The following GRID2 variants were observed in gnomAD, a reference collection of about 807,000 sequenced individuals.
GRID2 encodes the protein glutamate ionotropic receptor delta type subunit 2.
Under a neutral mutation model 114.8 loss-of-function variants are expected in GRID2, and 33 were observed. That is an observed-to-expected ratio of 0.29 (90% CI 0.22 to 0.38). GRID2 has a LOEUF of 0.38. Among genes scored for constraint, GRID2 ranks in the 10% least tolerant of loss-of-function variants. The probability of loss-of-function intolerance (pLI) is 1.00; values close to 1 mark genes in which losing one functional copy is unlikely to be tolerated. For synonymous variants in GRID2, 505 were observed against 449.9 expected (o/e 1.12, Z -1.55); for missense variants, 1,184 against 1,257.7 (o/e 0.94, Z 0.89).
intron 1 of GRID2, among the ~76,000 whole-genome samples, chr4:92,429,562 G>A (rs915145225): frequency 1.3e-5 from 2 of 152,130 alleles, no homozygotes; most frequent in Non-Finnish European, 2.9e-5. Context: ...ATAAATATAA[G>A]AGTGCAGATA....
intron 14 of GRID2, among the ~76,000 whole-genome samples, chr4:93,702,627 A>G (rs1423646376): frequency 6.6e-6 from 1 of 152,134 alleles, no homozygotes; most frequent in Admixed American, 6.6e-5. Context: ...AATTTATGGC[A>G]CACCTTCAAC....
intron 1 of GRID2, among the ~76,000 whole-genome samples, chr4:92,445,665 C>T (rs1242631307): frequency 6.6e-6 from 1 of 152,094 alleles, no homozygotes; most frequent in Non-Finnish European, 1.5e-5. Context: ...TAGGAACAAG[C>T]CATGGGAAGA....
intron 3 of GRID2, among the ~76,000 whole-genome samples, chr4:93,103,988 T>G (rs924335283): frequency 1.3e-5 from 2 of 152,066 alleles, no homozygotes; most frequent in East Asian, 3.9e-4. Context: ...CATGGGTATA[T>G]TGCACCCAGG....
intron 14 of GRID2, among the ~76,000 whole-genome samples, chr4:93,692,853 T>C (rs547329591): frequency 1.4e-3 from 215 of 152,336 alleles, no homozygotes; most frequent in African/African-American, 5.1e-3. Flanking sequence ...CCTCATTCAC[T>C]ACACGACAGT....
chr4:92,590,366 C>A, intron 2 of GRID2, 80 bp downstream of exon 2: 2 of 954,658 alleles, frequency 2.1e-6, no homozygotes, highest in Non-Finnish European at 3.2e-6. Context: ...ACTTATTAAA[C>A]ATGGACATCA....
At chr4:92,598,952 T>A (rs1357241543) in intron 2 of GRID2, among the ~76,000 whole-genome samples, 1 of 152,042 alleles carries the variant, frequency 6.6e-6, no homozygotes, top group Non-Finnish European at 1.5e-5. Flanking sequence ...CAGCGACATA[T>A]TTTTGCCCAA....
intron 2 of GRID2, among the ~76,000 whole-genome samples, chr4:92,996,627 G>A (rs759397479): frequency 1.3e-5 from 2 of 152,156 alleles, no homozygotes; most frequent in Non-Finnish European, 2.9e-5. Context: ...TGGGGAATGA[G>A]AAGTCAGGAG....
chr4:93,128,032 A>AAAAAAAAAAAAAAC (rs1734440026), intron 4 of GRID2, among the ~76,000 whole-genome samples: 1 of 132,716 alleles, frequency 7.5e-6, no homozygotes, highest in African/African-American at 3.1e-5. Context: ...CGCAACAAAA[A>AAAAAAAAAAAAAAC]AAAAAAAAAA....
chr4:92,772,937 T>C (rs575150666), intron 2 of GRID2, among the ~76,000 whole-genome samples: 181 of 152,314 alleles, frequency 1.2e-3, no homozygotes, highest in African/African-American at 4.3e-3. Context: ...TGCTTTAGTC[T>C]CTGAGGCTTC....
At chr4:92,840,667 A>C (rs931562479) in intron 2 of GRID2, among the ~76,000 whole-genome samples, 1 of 152,048 alleles carries the variant, frequency 6.6e-6, no homozygotes. Flanking sequence ...TTCATTGAGC[A>C]GCTTCTTCAT....
intron 2 of GRID2, among the ~76,000 whole-genome samples, chr4:92,913,690 A>C (rs1420343865): frequency 1.3e-5 from 2 of 152,050 alleles, no homozygotes; most frequent in Non-Finnish European, 2.9e-5. Context: ...AAAATATAGT[A>C]GATTTTTATT....
chr4:93,005,671 C>G (rs1020999585), intron 2 of GRID2, among the ~76,000 whole-genome samples: 1 of 152,008 alleles, frequency 6.6e-6, no homozygotes, highest in African/African-American at 2.4e-5. Context: ...ACTGATTAAT[C>G]ATTAAAAAGT....
intron 2 of GRID2, among the ~76,000 whole-genome samples, chr4:92,731,147 T>G (rs1267039279): frequency 6.6e-6 from 1 of 151,932 alleles, no homozygotes; most frequent in East Asian, 1.9e-4. Context: ...AATACAACTT[T>G]GAGGGTTTAA....
chr4:92,471,449 A>T (rs1280514865), intron 1 of GRID2, among the ~76,000 whole-genome samples: 1 of 151,966 alleles, frequency 6.6e-6, no homozygotes, highest in Non-Finnish European at 1.5e-5. Flanking sequence ...CTAGAACCCA[A>T]ATCTCCAAAC....
At chr4:92,558,614 A>G (rs958425425) in intron 1 of GRID2, among the ~76,000 whole-genome samples, 2 of 152,042 alleles carry the variant, frequency 1.3e-5, no homozygotes, top group African/African-American at 2.4e-5. Context: ...AGCTGCTTTT[A>G]TTCCTCCTAC....
chr4:93,594,592 C>T (rs1280116553), intron 13 of GRID2, among the ~76,000 whole-genome samples: 1 of 152,228 alleles, frequency 6.6e-6, no homozygotes, highest in African/African-American at 2.4e-5. Flanking sequence ...CCAGTTCGAG[C>T]TTCCAGGCTG....
chr4:92,632,956 G>A (rs1307900037), intron 2 of GRID2, among the ~76,000 whole-genome samples: 2 of 152,050 alleles, frequency 1.3e-5, no homozygotes, highest in Non-Finnish European at 2.9e-5. Context: ...TTACTGCCAA[G>A]ATACAATGGG....
At chr4:93,745,892 G>A (rs1349384016) in intron 14 of GRID2, among the ~76,000 whole-genome samples, 2 of 152,054 alleles carry the variant, frequency 1.3e-5, no homozygotes, top group African/African-American at 2.4e-5. Context: ...TTTCAGCAAA[G>A]GAAAAGAAAA....
At chr4:92,630,438 A>T (rs532969969) in intron 2 of GRID2, among the ~76,000 whole-genome samples, 4 of 151,918 alleles carry the variant, frequency 2.6e-5, no homozygotes, top group African/African-American at 9.7e-5. Context: ...AAACCTTCTC[A>T]CTCTTTAGTA....
Sources: gnomAD v4.1 joint callset for allele counts (sites outside exome capture counted in the v4.1 genomes callset) on GRCh38, gnomAD v4.1.1 for gene constraint, MANE v1.5 for transcripts, NCBI Gene and HGNC (gene_info 2026-07-23, HGNC 2026-07-21) for gene names.